Variants in CEP152 observed in about 807,000 individuals in gnomAD.
CEP152 encodes centrosomal protein of 152 kDa.
In CEP152, 132 loss-of-function variants were observed where a neutral mutation model predicts 188.9. That is an observed-to-expected ratio of 0.70 (90% confidence interval 0.61 to 0.81). The LOEUF is 0.81. Ranked by LOEUF, CEP152 falls within the 30% of genes least tolerant of loss-of-function variation. CEP152 has a pLI of 0.00. For missense variants in CEP152, 1,914 were observed against 1,969.8 expected, an observed-to-expected ratio of 0.97 and a Z score of 0.54; for synonymous variants, 649 against 666.6, an observed-to-expected ratio of 0.97 and a Z score of 0.41.
intron 19 of CEP152, among the ~76,000 whole-genome samples, chr15:48,759,784 A>T (rs2140696441): frequency 6.6e-6 from 1 of 152,346 alleles, no homozygotes; most frequent in African/African-American, 2.4e-5. Context: ...GAAGAATGTT[A>T]CAAGACTACT....
At chr15:48,752,302 G>A in intron 21 of CEP152, 47 bp downstream of exon 21, 1 of 1,613,824 alleles carries the variant, frequency 6.2e-7, no homozygotes, top group South Asian at 1.1e-5. Flanking sequence ...CCTTCAGATG[G>A]GTGATTATGG....
chr15:48,732,133 C>G (rs933382349), intron 2 of CEP152, among the ~76,000 whole-genome samples: 1 of 152,186 alleles, frequency 6.6e-6, no homozygotes, highest in Non-Finnish European at 1.5e-5. Context: ...GGCGATTCCT[C>G]AAGGATCTGG....
chr15:48,738,725 G>T lies in CEP152; in HGVS notation c.4657C>A (p.Gln1553Lys). 3 of 1,614,094 alleles carry T rather than the reference G, an allele frequency of 1.9e-6. No individual in the cohort carries two copies. In the African/African-American group the frequency reaches 4.0e-5, roughly 22 times the overall value. ...GGAGGTTCCTGAACATCCAAACCTTGACTTTTCTCAGATGCAGCATTTTCA... is the reference window on the plus strand; with the variant it reads ...GGAGGTTCCTGAACATCCAAACCTTTACTTTTCTCAGATGCAGCATTTTCA... ...ESENAASEKS[Q>K]GLDVQEPPVK... The change falls in exon 27 of 27, where the codon CAA (glutamine) becomes AAA (lysine). Residue 1553 changes from glutamine (Q) to lysine (K), a missense_variant. Coordinates refer to ENST00000380950, the MANE Select transcript of CEP152 (RefSeq NM_001194998.2).
chr15:48,783,225 A>G (rs1200215286), intron 10 of CEP152: 2 of 152,156 alleles, frequency 1.3e-5, no homozygotes, highest in African/African-American at 4.8e-5. Flanking sequence ...CTTTGCTCTA[A>G]TATCATTTTA....
chr15:48,767,448 A>C lies in CEP152; in HGVS notation c.2034T>G (p.Tyr678Ter), dbSNP rs182018947. 458 of 1,614,094 alleles carry C rather than the reference A, an allele frequency of 2.8e-4. No individual in the cohort carries two copies. Among genetic ancestry groups the C allele is most frequent in the African/African-American group, 9.5e-4 (71 of 75,042 alleles). Residue 678 changes from tyrosine to a stop codon, truncating the protein, a stop_gained, in exon 16 of 27, where the codon TAT becomes TAG. Transcript: ENST00000380950. LOFTEE classifies it high-confidence loss of function. ...TTTTCATGGCTTCATGGTGCTGCTG[A>C]TAAGTCCTTTCACACCTGGAAACAG... ...QEAVDRCERT[Y>*]QQHHEAMKTQ...
chr15:48,747,993 T>A (rs961863076), intron 22 of CEP152, among the ~76,000 whole-genome samples: 1 of 152,182 alleles, frequency 6.6e-6, no homozygotes, highest in Non-Finnish European at 1.5e-5. Context: ...TTCTTAACTT[T>A]AATAAGAGGT....
At chr15:48,761,019 A>C (rs1001068241) in intron 18 of CEP152, among the ~76,000 whole-genome samples, 1 of 152,208 alleles carries the variant, frequency 6.6e-6, no homozygotes, top group Non-Finnish European at 1.5e-5. Context: ...CAAGGAGTTA[A>C]GAAATGGGGA....
At chr15:48,750,588 C>T (rs775337910) in intron 21 of CEP152, among the ~76,000 whole-genome samples, 13 of 151,986 alleles carry the variant, frequency 8.6e-5, no homozygotes, top group Non-Finnish European at 1.6e-4. Context: ...AATTGGAACT[C>T]GTGCAAATAC....
At chr15:48,760,514 T>C (rs1485676573) in intron 18 of CEP152, among the ~76,000 whole-genome samples, 1 of 152,164 alleles carries the variant, frequency 6.6e-6, no homozygotes, top group African/African-American at 2.4e-5. Flanking sequence ...TGACCAGTAC[T>C]ATCTTAGAAA....
intron 2 of CEP152, among the ~76,000 whole-genome samples, chr15:48,730,725 C>T (rs950513600): frequency 6.6e-6 from 1 of 152,128 alleles, no homozygotes; most frequent in African/African-American, 2.4e-5. Flanking sequence ...ATAGAAATCC[C>T]CTAAAATGAC....
At chr15:48,741,475 T>C (rs1892967387) in intron 26 of CEP152, 126 bp downstream of exon 26, 2 of 1,568,822 alleles carry the variant, frequency 1.3e-6, no homozygotes, top group Admixed American at 3.7e-5. Flanking sequence ...CTAGTTTAAG[T>C]AAAACATACA....
chr15:48,738,603 A>G lies in CEP152; in HGVS notation c.4779T>C (p.Gly1593=). 6.2e-7 allele frequency: 1 copy of G among 1,614,190 alleles called. No individual in the cohort carries two copies. The highest frequency in any genetic ancestry group is 8.5e-7 in the Non-Finnish European group (1 of 1,180,026). The change falls in exon 27 of 27, where the codon GGT becomes GGC. Residue 1593 remains glycine (G), a synonymous_variant. Transcript: ENST00000380950. ...FDSREASFVH[G]RPQGTLEIPS... ...GTATTTCCAAAGTTCCTTGTGGCCT[A>G]CCATGTACAAATGATGCTTCACGAC... is the stretch of plus-strand genomic sequence containing the variant.
Position 48,772,558 on chromosome 15 carries a change from G to A in CEP152, c.1711C>T (p.Leu571Phe), listed in dbSNP as rs759514448. Residue 571 changes from leucine (L) to phenylalanine (F), a missense_variant, in exon 13 of 27, where the codon CTC (leucine) becomes TTC (phenylalanine). Physicochemically the swap from Leu to Phe is conservative, Grantham distance 22. Transcript: ENST00000380950. The part of the protein sequence containing the change: ...RHLVSQLQND[L>F]KDCHKKIEDL... ...TCAATTTTCTTATGACAGTCTTTGA[G>A]GTCATTTTGTAACTGAGACACCAGA... 1.4e-4 allele frequency: 228 copies of A among 1,613,806 alleles called. No individual in the cohort carries two copies. Among genetic ancestry groups the A allele is most frequent in the Non-Finnish European group, 1.9e-4 (226 of 1,179,994 alleles).
At chr15:48,730,510 C>T (rs1237638586) in intron 2 of CEP152, among the ~76,000 whole-genome samples, 1 of 152,116 alleles carries the variant, frequency 6.6e-6, no homozygotes, top group Non-Finnish European at 1.5e-5. Flanking sequence ...CCCATGCTCA[C>T]CACATATCCC....
chr15:48,757,932 A>G (rs757848575), intron 19 of CEP152, among the ~76,000 whole-genome samples: 1 of 152,220 alleles, frequency 6.6e-6, no homozygotes, highest in Admixed American at 6.5e-5. Context: ...GAATTTTTAT[A>G]ACCTGCCCAA....
At position 48,756,524 on chromosome 15, in the gene CEP152, C is replaced by A. The variant is rs1393176420; in HGVS notation, c.2724G>T (p.Glu908Asp). 10 of 1,608,174 alleles carry A rather than the reference C, an allele frequency of 6.2e-6. No individual in the cohort carries two copies. The African/African-American group carries it at 1.2e-4, about 19-fold the overall frequency. Residue 908 changes from glutamate (E) to aspartate (D), a missense_variant, in exon 20 of 27, where the codon GAG becomes GAT. By Grantham distance (45) the Glu-to-Asp change is conservative (BLOSUM62 2). Coordinates refer to ENST00000380950, the MANE Select transcript of CEP152 (RefSeq NM_001194998.2). ...RISFAVSEAK[E>D]KWKSELENMR... is the part of the protein sequence containing the mutation. ...TATTTTCAAGCTCACTCTTCCATTT[C>A]TCTTTAGCTTCAGAAACAGCAAATG...
chr15:48,733,489 CAAT>C (rs1892494124), downstream of CEP152, among the ~76,000 whole-genome samples: 1 of 151,928 alleles, frequency 6.6e-6, no homozygotes, highest in African/African-American at 2.4e-5. Context: ...ATATGAAAAA[CAAT>C]AATGATTAAA....
rs558650995 is a variant in CEP152, at chr15:48,778,054, C to G, written c.1577+3142G>C. On this transcript the variant is annotated intron_variant, in intron 12 of 26. Transcript: ENST00000380950. ...GAGAAGACCAAAGGGAAAAGGCATT[C>G]CACTTGTTAAATGTTTATTATTTGA... Among the ~76,000 whole-genome samples the G allele has an allele frequency of 1.1e-3, 171 of 152,334 alleles. 1 individual carries two copies. In the South Asian group the frequency reaches 0.014, roughly 13 times the overall value.
chr15:48,745,676 G>A (rs577963889), intron 22 of CEP152, among the ~76,000 whole-genome samples: 24 of 152,170 alleles, frequency 1.6e-4, no homozygotes, highest in Admixed American at 3.3e-4. Context: ...CTTCTTAAGG[G>A]TGGGGAGATT....
Sources: allele counts gnomAD v4.1 joint callset (sites outside exome capture counted in the v4.1 genomes callset), GRCh38; gene constraint gnomAD v4.1.1; transcripts MANE v1.5; gene names NCBI Gene and HGNC (gene_info 2026-07-23, HGNC 2026-07-21).